AGAP1: variants seen among roughly 807,000 people sequenced by gnomAD.
AGAP1 encodes the protein arf-GAP with GTPase, ANK repeat and PH domain-containing protein 1.
Under a neutral mutation model 105.3 loss-of-function variants are expected in AGAP1, and 29 were observed. The ratio of observed to expected loss-of-function variants is 0.28; its 90% CI spans 0.21 to 0.38. The LOEUF (loss-of-function observed/expected upper bound fraction) is 0.38, where lower values mean the gene tolerates loss of function less well. Ranked by LOEUF, AGAP1 falls within the 10% of genes least tolerant of loss-of-function variation. The pLI, the probability that AGAP1 is intolerant of heterozygous loss-of-function variation, is 1.00. For synonymous variants in AGAP1, 509 were observed against 485.9 expected (o/e 1.05, Z -0.63); for missense variants, 998 against 1,165.1 (o/e 0.86, Z 2.09).
intron 1 of AGAP1, among the ~76,000 whole-genome samples, chr2:235,706,508 C>T (rs533822412): frequency 2.6e-5 from 4 of 152,248 alleles, no homozygotes; most frequent in Admixed American, 6.5e-5. Flanking sequence ...CCTGAGCCAC[C>T]GCGCCCGGCC....
chr2:236,094,947 A>T (rs994608011), intron 16 of AGAP1, among the ~76,000 whole-genome samples: 2 of 150,228 alleles, frequency 1.3e-5, no homozygotes, highest in Non-Finnish European at 1.5e-5. Flanking sequence ...AAAAAAAAAA[A>T]AATTAGCCTG....
intron 13 of AGAP1, among the ~76,000 whole-genome samples, chr2:236,006,848 T>C (rs781238921): frequency 1.7e-4 from 26 of 152,184 alleles, no homozygotes; most frequent in Non-Finnish European, 3.5e-4. Context: ...GCCATAATGT[T>C]AGTCTTCCAG....
In AGAP1 at chr2:235,691,807, C is replaced by T. The variant is rs1286532213; in HGVS notation, c.164-17372C>T. Among the ~76,000 whole-genome samples, 1 of 152,208 alleles carries T rather than the reference C, an allele frequency of 6.6e-6. No homozygotes were observed. Among genetic ancestry groups the T allele is most frequent in the African/African-American group, 2.4e-5 (1 of 41,446 alleles). On this transcript the variant is annotated intron_variant, in intron 1 of 17. Coordinates refer to ENST00000304032, the MANE Select transcript of AGAP1 (RefSeq NM_001037131.3). This position sits in a 1 kb window ranked among gnomAD's most constrained non-coding sequence, Gnocchi z 4.4. ...TGCACTCCTGCCCGCCCCCCATTCA[C>T]CCACTAGGAGAAAGTACTGGATAGG...
In AGAP1 at chr2:235,712,390, C is replaced by G. The variant is rs1950900083; in HGVS notation, c.222+3153C>G. On this transcript the variant is annotated intron_variant, in intron 2 of 17. Coordinates refer to ENST00000304032, the MANE Select transcript of AGAP1 (RefSeq NM_001037131.3). This position sits in a 1 kb window ranked among gnomAD's most constrained non-coding sequence, Gnocchi z 6.0. The stretch of plus-strand genomic sequence containing the variant: ...GCTTTTGGTGCTGCACAGGAGCCAA[C>G]CGCTGCTGGCTGCAGATGTGTGCCC... 6.6e-6 allele frequency among the ~76,000 whole-genome samples: 1 copy of G among 152,244 alleles called. No homozygotes were observed. Among genetic ancestry groups the G allele is most frequent in the Non-Finnish European group, 1.5e-5 (1 of 68,046 alleles).
At chr2:235,814,452 G>A (rs1958334957) in intron 9 of AGAP1, among the ~76,000 whole-genome samples, 1 of 152,172 alleles carries the variant, frequency 6.6e-6, no homozygotes, top group Non-Finnish European at 1.5e-5. Context: ...GAATCAAAAA[G>A]ATACTTATTT....
chr2:235,505,727 G>A (rs1433612700), intron 1 of AGAP1: 1 of 152,070 alleles, frequency 6.6e-6, no homozygotes, highest in African/African-American at 2.4e-5. Flanking sequence ...TAGCAGTCAG[G>A]AGGGCTTTCC....
rs573850362 is a variant in AGAP1, at chr2:235,920,055, C to T, written c.1325-10710C>T. On this transcript the variant is annotated intron_variant, in intron 11 of 17. Coordinates refer to ENST00000304032, the MANE Select transcript of AGAP1 (RefSeq NM_001037131.3). ...TAAGACTCCACGTTTTAGGAAGTGA[C>T]GACGAACCGTCTAATTCTAGGATGT... Among the ~76,000 whole-genome samples the T allele has an allele frequency of 2.6e-5, 4 of 152,254 alleles. No homozygotes were observed. The South Asian group carries it at 8.3e-4, about 32-fold the overall frequency.
rs2149619369 is a variant in AGAP1, at chr2:235,733,186, C to A, written c.311-7777C>A. Among the ~76,000 whole-genome samples the A allele has an allele frequency of 6.6e-6, 1 of 152,288 alleles. No individual in the cohort carries two copies. The highest frequency in any genetic ancestry group is 2.1e-4 in the South Asian group (1 of 4,830). ...ATCATTGTTCCCCTTGAGGTGCCCCCCTGCGTGGGTCACTTCTCCCGCTCA... is the reference window on the plus strand; with the variant it reads ...ATCATTGTTCCCCTTGAGGTGCCCCACTGCGTGGGTCACTTCTCCCGCTCA... On this transcript the variant is annotated intron_variant, in intron 3 of 17. Coordinates refer to ENST00000304032, the MANE Select transcript of AGAP1 (RefSeq NM_001037131.3). This position sits in a 1 kb window ranked among gnomAD's most constrained non-coding sequence, Gnocchi z 5.0.
At chr2:236,059,677 A>G (rs1466606224) in intron 16 of AGAP1, among the ~76,000 whole-genome samples, 1 of 152,208 alleles carries the variant, frequency 6.6e-6, no homozygotes, top group African/African-American at 2.4e-5. Context: ...ATCGGTGGGC[A>G]GTTGATTTCC....
chr2:235,624,604 C>T (rs933172378), intron 1 of AGAP1, among the ~76,000 whole-genome samples: 5 of 152,142 alleles, frequency 3.3e-5, no homozygotes, highest in African/African-American at 1.2e-4. Context: ...TGCGTGTGTG[C>T]TGGCATTGTA....
At chr2:236,029,893 C>T (rs775904918) in intron 13 of AGAP1, among the ~76,000 whole-genome samples, 6 of 152,038 alleles carry the variant, frequency 3.9e-5, no homozygotes, top group Non-Finnish European at 8.8e-5. Flanking sequence ...TGCAAGCCAC[C>T]ATGCCTGGCT....
intron 12 of AGAP1, among the ~76,000 whole-genome samples, chr2:235,945,823 G>GT (rs1327838884): frequency 6.6e-6 from 1 of 151,092 alleles, no homozygotes; most frequent in African/African-American, 2.4e-5. Context: ...TGGCTTCCGG[G>GT]GGGGTGCCTC....
intron 6 of AGAP1, among the ~76,000 whole-genome samples, chr2:235,784,249 TATA>T (rs1340301288): frequency 6.6e-6 from 1 of 152,170 alleles, no homozygotes; most frequent in Admixed American, 6.5e-5. Context: ...AAGTGTACAG[TATA>T]ATGAGGAGCC....
At chr2:235,835,017 T>C (rs1959958308) in intron 9 of AGAP1, among the ~76,000 whole-genome samples, 1 of 151,882 alleles carries the variant, frequency 6.6e-6, no homozygotes. Flanking sequence ...GAGCAGGGAG[T>C]CTCGCTTAAA....
At position 236,104,644 on chromosome 2, in the gene AGAP1, A is replaced by T. The variant is rs1390593194; in HGVS notation, c.2115-15548A>T. Among the ~76,000 whole-genome samples, 1 of 152,164 alleles carries T rather than the reference A, an allele frequency of 6.6e-6. No individual in the cohort carries two copies. The highest frequency in any genetic ancestry group is 2.4e-5 in the African/African-American group (1 of 41,436). ...GGTGGCTCATGCCTGTAATGCCAGC[A>T]CTTTGGGAGGCCAAGGTGGGTGGAT... On this transcript the variant is annotated intron_variant, in intron 16 of 17. Transcript: ENST00000304032. This position sits in a 1 kb window ranked among gnomAD's most constrained non-coding sequence, Gnocchi z 4.7.
Position 235,979,012 on chromosome 2 carries a change from T to A in AGAP1, c.1645+10389T>A, listed in dbSNP as rs1160251475. ...ATAAGGGGACATCTCTCTTGAAATTTTTTTGGACTTACGGACATTTAATTC... is the reference window on the plus strand; with the variant it reads ...ATAAGGGGACATCTCTCTTGAAATTATTTTGGACTTACGGACATTTAATTC... On this transcript the variant is annotated intron_variant, in intron 13 of 17. Transcript: ENST00000304032. This position sits in a 1 kb window ranked among gnomAD's most constrained non-coding sequence, Gnocchi z 4.5. 6.6e-6 allele frequency among the ~76,000 whole-genome samples: 1 copy of A among 152,216 alleles called. No individual in the cohort carries two copies. Among genetic ancestry groups the A allele is most frequent in the Non-Finnish European group, 1.5e-5 (1 of 68,044 alleles).
chr2:236,065,103 G>A (rs1029850070), intron 16 of AGAP1, among the ~76,000 whole-genome samples: 9 of 152,222 alleles, frequency 5.9e-5, no homozygotes, highest in African/African-American at 9.6e-5. Flanking sequence ...CAGACAGACA[G>A]CAGCTTATCG....
intron 16 of AGAP1, among the ~76,000 whole-genome samples, chr2:236,052,585 G>A (rs777524830): frequency 6.6e-6 from 1 of 152,164 alleles, no homozygotes; most frequent in Non-Finnish European, 1.5e-5. Context: ...GGAAGCTGAC[G>A]GCGGCTGAAG....
Position 235,818,828 on chromosome 2 carries a change from C to T in AGAP1, c.1050+11497C>T, listed in dbSNP as rs189562510. The stretch of plus-strand genomic sequence containing the variant: ...ACCTTAGGTGATCCACCTGCCTCGG[C>T]CTCCCAAAGTGCTGGGATTACAGGC... On this transcript the variant is annotated intron_variant, in intron 9 of 17. Coordinates refer to ENST00000304032, the MANE Select transcript of AGAP1 (RefSeq NM_001037131.3). Among the ~76,000 whole-genome samples, 244 of 152,368 alleles carry T rather than the reference C, an allele frequency of 1.6e-3. 2 individuals are homozygous for T. The highest frequency in any genetic ancestry group is 2.2e-3 in the Non-Finnish European group (150 of 68,044).
Sources: allele counts gnomAD v4.1 joint callset (sites outside exome capture counted in the v4.1 genomes callset), GRCh38; gene constraint gnomAD v4.1.1; non-coding constraint Gnocchi (gnomAD v3.1); transcripts MANE v1.5; gene names NCBI Gene and HGNC (gene_info 2026-07-23, HGNC 2026-07-21).